The following PNLIPRP1 variants were observed in gnomAD, a reference collection of about 807,000 sequenced individuals.
PNLIPRP1 encodes pancreatic lipase related protein 1.
PNLIPRP1 carries 57 observed loss-of-function variants against 54.6 expected under a neutral mutation model. The observed-to-expected ratio is 1.04, with a 90% CI of 0.84 to 1.30. The LOEUF (loss-of-function observed/expected upper bound fraction) is 1.30. Among genes scored for constraint, PNLIPRP1 ranks in the 50% most tolerant of loss-of-function variants. The probability of loss-of-function intolerance (pLI) is 0.00; values close to 1 mark genes in which losing one functional copy is unlikely to be tolerated. For synonymous variants in PNLIPRP1, 232 were observed against 208.8 expected (o/e 1.11, Z -0.96); for missense variants, 567 against 568.5 (o/e 1.00, Z 0.03).
chr10:116,596,245 A>T lies in PNLIPRP1; in HGVS notation c.497A>T (p.His166Leu). 6.2e-7 allele frequency: 1 copy of T among 1,613,336 alleles called. No homozygotes were observed. The highest frequency in any genetic ancestry group is 1.1e-5 in the South Asian group (1 of 91,040). ...TEYSYPPSKV[H>L]LIGHSLGAHV... is the part of the protein sequence containing the mutation. Reference sequence around the variant, plus strand: ...TATAGCTACCCCCCTTCCAAAGTTCACCTCATTGGCCACAGCCTGGGAGCC... The same window carrying T: ...TATAGCTACCCCCCTTCCAAAGTTCTCCTCATTGGCCACAGCCTGGGAGCC... The change falls in exon 6 of 13, where the codon CAC becomes CTC. Residue 166 changes from histidine (H) to leucine (L), a missense_variant. By Grantham distance (99) the His-to-Leu change is moderately conservative. Coordinates refer to ENST00000358834, the MANE Select transcript of PNLIPRP1 (RefSeq NM_006229.4).
rs146076070 is a variant in PNLIPRP1, at chr10:116,596,220, T to C, written c.472T>C (p.Tyr158His). 5 of 1,607,366 alleles carry C rather than the reference T, an allele frequency of 3.1e-6. No individual in the cohort carries two copies. The African/African-American group carries it at 6.7e-5, about 22-fold the overall frequency. The change falls in exon 6 of 13, where the codon TAT (tyrosine) becomes CAT (histidine). Residue 158 changes from tyrosine to histidine, a missense_variant. By Grantham distance (83) the Tyr-to-His change is moderately conservative. Coordinates refer to ENST00000358834, the MANE Select transcript of PNLIPRP1 (RefSeq NM_006229.4). ...TACAATCTTCCCTCTCCAGACAGAG[T>C]ATAGCTACCCCCCTTCCAAAGTTCA... ...AQMLDILLTEYSYPPSKVHLI... is the reference protein window; with the variant it reads ...AQMLDILLTEHSYPPSKVHLI...
intron 10 of PNLIPRP1, 130 bp downstream of exon 10, chr10:116,601,331 G>A (rs538318775): frequency 3.4e-4 from 282 of 824,316 alleles, no homozygotes; most frequent in African/African-American, 2.4e-3. Flanking sequence ...CACATTTACC[G>A]AAACTATTGC....
chr10:116,606,104 C>T (rs1418706406), intron 12 of PNLIPRP1, among the ~76,000 whole-genome samples: 1 of 152,120 alleles, frequency 6.6e-6, no homozygotes, highest in Non-Finnish European at 1.5e-5. Context: ...CCTGAGAGGG[C>T]AGAGCGACTG....
At chr10:116,600,284 ATGG>A in intron 9 of PNLIPRP1, 119 bp downstream of exon 9, 1 of 732,104 alleles carries the variant, frequency 1.4e-6, no homozygotes, top group Non-Finnish European at 2.4e-6. Flanking sequence ...CTCAGAGTTC[ATGG>A]TCCTGTGGAG....
chr10:116,599,298 A>AAAAAT (rs369072615), intron 8 of PNLIPRP1, among the ~76,000 whole-genome samples: 4 of 141,942 alleles, frequency 2.8e-5, no homozygotes, highest in African/African-American at 1.0e-4. Flanking sequence ...AAATAAAATA[A>AAAAAT]AAAATAAAGA....
Position 116,592,450 on chromosome 10 carries a change from C to A in PNLIPRP1, c.239C>A (p.Ala80Glu), listed in dbSNP as rs782513279. Residue 80 changes from alanine to glutamate, a missense_variant, in exon 4 of 13, where the codon GCA becomes GAA. By Grantham distance (107) the Ala-to-Glu change is moderately radical (BLOSUM62 -1). Coordinates refer to ENST00000358834, the MANE Select transcript of PNLIPRP1 (RefSeq NM_006229.4). ...LLLSDPSTIEASNFQMDRKTR... is the reference protein window; with the variant it reads ...LLLSDPSTIEESNFQMDRKTR... ...CTCTCTGATCCATCAACAATTGAGG[C>A]ATCAAATTTTCAAATGGACAGAAAG... The A allele has an allele frequency of 6.2e-7, 1 of 1,612,954 alleles. No individual in the cohort carries two copies. Among genetic ancestry groups the A allele is most frequent in the Non-Finnish European group, 8.5e-7 (1 of 1,179,224 alleles).
chr10:116,597,828 G>A lies in PNLIPRP1; in HGVS notation c.575G>A (p.Gly192Glu), dbSNP rs782780010. ...SKTPGLSRIT[G>E]LDPVEASFES... ...CTGCAGTGCTGATCATCTCTTTTAG[G>A]GTTGGATCCTGTAGAAGCAAGTTTC... The change falls in exon 7 of 13, where the codon GGG becomes GAG. Residue 192 changes from glycine (G) to glutamate (E), a missense_variant and splice_region_variant. Physicochemically the swap from Gly to Glu is moderately conservative, Grantham distance 98. Coordinates refer to ENST00000358834, the MANE Select transcript of PNLIPRP1 (RefSeq NM_006229.4). 6.2e-7 allele frequency: 1 copy of A among 1,614,094 alleles called. No homozygotes were observed. The highest frequency in any genetic ancestry group is 1.1e-5 in the South Asian group (1 of 91,072).
chr10:116,608,949 C>A, intron 12 of PNLIPRP1, 104 bp from the exon 13 acceptor site: 1 of 883,164 alleles, frequency 1.1e-6, no homozygotes. Flanking sequence ...GGGCTTAACC[C>A]CTTAAGAAAA....
At chr10:116,599,911 GT>G in intron 8 of PNLIPRP1, 135 bp from the exon 9 acceptor site, 1 of 686,476 alleles carries the variant, frequency 1.5e-6, no homozygotes. Context: ...TGTCATTATG[GT>G]GGCTGAATTT....
Position 116,592,536 on chromosome 10 carries a change from TGCAAGGTAGGA to T in PNLIPRP1, c.328_330+8del. ...AGATGAGAGCTGGGTGACAGACATG[TGCAAGGTAGGA>T]GCCAGCTCTGATCCCTGTGGCCAGC... On this transcript the variant is annotated splice_donor_variant and splice_donor_5th_base_variant and coding_sequence_variant and intron_variant, in exon 4 of 13. Coordinates refer to ENST00000358834, the MANE Select transcript of PNLIPRP1 (RefSeq NM_006229.4). LOFTEE classifies it high-confidence loss of function. The T allele has an allele frequency of 6.2e-7, 1 of 1,614,160 alleles. No individual in the cohort carries two copies. Among genetic ancestry groups the T allele is most frequent in the Non-Finnish European group, 8.5e-7 (1 of 1,180,024 alleles).
In PNLIPRP1 at chr10:116,597,926, G is replaced by T. The variant is rs781820212; in HGVS notation, c.673G>T (p.Ala225Ser). 3 of 1,614,212 alleles carry T rather than the reference G, an allele frequency of 1.9e-6. No homozygotes were observed. Among genetic ancestry groups the T allele is most frequent in the Non-Finnish European group, 2.5e-6 (3 of 1,180,036 alleles). The change falls in exon 7 of 13, where the codon GCT becomes TCT. Residue 225 changes from alanine to serine, a missense_variant. Coordinates refer to ENST00000358834, the MANE Select transcript of PNLIPRP1 (RefSeq NM_006229.4). Reference protein sequence around the residue: ...DFVDVIHTDAAPLIPFLGFGT... With the variant: ...DFVDVIHTDASPLIPFLGFGT... ...TGTTGATGTGATTCACACGGATGCA[G>T]CTCCCCTGATCCCATTCTTGGGTGA...
chr10:116,593,954 CAAAA>C (rs57786929), intron 4 of PNLIPRP1: 186 of 94,508 alleles, frequency 2.0e-3, no homozygotes, highest in Middle Eastern at 8.9e-3. Flanking sequence ...GAGGCTGTCT[CAAAA>C]AAAAAAAAAA....
chr10:116,605,326 T>C (rs1847918536), intron 11 of PNLIPRP1, 60 bp from the exon 12 acceptor site: 3 of 880,984 alleles, frequency 3.4e-6, no homozygotes, highest in East Asian at 2.7e-5. Flanking sequence ...CAGCCTGGCA[T>C]TGTATGGTAA....
chr10:116,596,426 C>G (rs1205209502), intron 6 of PNLIPRP1, 104 bp downstream of exon 6: 1 of 710,460 alleles, frequency 1.4e-6, no homozygotes, highest in Non-Finnish European at 2.5e-6. Flanking sequence ...GACTGTCCCC[C>G]TTGGCTGTGA....
rs1847627964 is a variant in PNLIPRP1, at chr10:116,591,118, A to C, written c.1-12A>C. ...GCCCGGTGAGACTGAATTATGTTTAAATTTATTGTAGATGCTGATCTTCTG... is the reference window on the plus strand; with the variant it reads ...GCCCGGTGAGACTGAATTATGTTTACATTTATTGTAGATGCTGATCTTCTG... On this transcript the variant is annotated splice_polypyrimidine_tract_variant and intron_variant, in intron 1 of 12. Transcript: ENST00000358834. 6.2e-7 allele frequency: 1 copy of C among 1,612,462 alleles called. No individual in the cohort carries two copies. Among genetic ancestry groups the C allele is most frequent in the Non-Finnish European group, 8.5e-7 (1 of 1,179,094 alleles).
At chr10:116,594,419 T>C (rs1464582840) in intron 4 of PNLIPRP1, 2 of 504,776 alleles carry the variant, frequency 4.0e-6, no homozygotes, top group East Asian at 1.0e-4. Context: ...CTTTTCCTTT[T>C]CAAAACAGGA....
chr10:116,600,950 C>T (rs566481635), intron 9 of PNLIPRP1, 122 bp from the exon 10 acceptor site: 133 of 842,534 alleles, frequency 1.6e-4, no homozygotes, highest in South Asian at 1.0e-3. Context: ...TCTGCTCCAA[C>T]CCCTTTGTTG....
rs145582413 is a variant in PNLIPRP1, at chr10:116,594,966, A to G, written c.465+102A>G. ...GTTATGGATTAAAGAAGGACAAAGA[A>G]TTGATATCCAGACCTTACTTCTAAA... On this transcript the variant is annotated intron_variant, in intron 5 of 12. Transcript: ENST00000358834. The G allele has an allele frequency of 1.3e-3, 1,832 of 1,373,124 alleles. 17 individuals carry two copies. In the African/African-American group the frequency reaches 0.024, roughly 18 times the overall value. 85.1% of individuals were successfully genotyped at this position (1,373,124 alleles called of 1,614,324 possible). A position where few individuals can be genotyped will look rare whatever the true frequency, so the allele number is the denominator to read the frequency against.
chr10:116,592,977 G>C (rs1276328625), intron 4 of PNLIPRP1: 37 of 311,972 alleles, frequency 1.2e-4, no homozygotes, highest in Non-Finnish European at 1.7e-4. Context: ...AGACCAGCCT[G>C]GCGAACATGG....
Sources: gnomAD v4.1 joint callset for allele counts (sites outside exome capture counted in the v4.1 genomes callset) on GRCh38, gnomAD v4.1.1 for gene constraint, MANE v1.5 for transcripts, NCBI Gene and HGNC (gene_info 2026-07-23, HGNC 2026-07-21) for gene names.